Variants in RGL1 observed in about 807,000 individuals in gnomAD.
The protein encoded by RGL1 is ral guanine nucleotide dissociation stimulator-like 1.
Under a neutral mutation model 95.2 loss-of-function variants are expected in RGL1, and 24 were observed. The observed-to-expected ratio is 0.25, with a 90% CI of 0.18 to 0.35. The LOEUF (loss-of-function observed/expected upper bound fraction) is 0.35, where lower values mean the gene tolerates loss of function less well. Among genes scored for constraint, RGL1 ranks in the 10% least tolerant of loss-of-function variants. The pLI is 1.00. For missense variants in RGL1, 715 were observed against 936.3 expected (o/e 0.76, Z 3.08); for synonymous variants, 329 against 344.9 (o/e 0.95, Z 0.51).
At chr1:183,740,818 T>TA (rs1657248786) in intron 1 of RGL1, among the ~76,000 whole-genome samples, 2 of 152,264 alleles carry the variant, frequency 1.3e-5, no homozygotes, top group South Asian at 4.1e-4. Flanking sequence ...CATGATTTAC[T>TA]AAATGATTGA....
chr1:183,708,878 C>T (rs1254349270), intron 1 of RGL1, among the ~76,000 whole-genome samples: 2 of 152,156 alleles, frequency 1.3e-5, no homozygotes, highest in Non-Finnish European at 2.9e-5. Context: ...GGACGCGGAC[C>T]GGGGCCCCTT....
Position 183,916,710 on chromosome 1 carries a change from C to G in RGL1, c.2004+9C>G. 1 of 1,608,160 alleles carries G rather than the reference C, an allele frequency of 6.2e-7. No individual in the cohort carries two copies. Among genetic ancestry groups the G allele is most frequent in the Non-Finnish European group, 8.5e-7 (1 of 1,177,596 alleles). ...TGTACAAGAGCATCATGGTGAGGAGCAAGCCCTGACCCAGGAGCGGGTTTC... is the reference window on the plus strand; with the variant it reads ...TGTACAAGAGCATCATGGTGAGGAGGAAGCCCTGACCCAGGAGCGGGTTTC... On this transcript the variant is annotated intron_variant, in intron 16 of 17. Coordinates refer to ENST00000360851, the MANE Select transcript of RGL1 (RefSeq NM_001297671.3).
intron 1 of RGL1, among the ~76,000 whole-genome samples, chr1:183,712,496 A>AGT (rs754744519): frequency 3.3e-5 from 5 of 151,930 alleles, no homozygotes; most frequent in Non-Finnish European, 5.9e-5. Context: ...AGAGAGAGAG[A>AGT]GTGTGTGTGT....
In RGL1 at chr1:183,636,748, A is replaced by C. The variant is rs577828868; in HGVS notation, c.-33+247A>C. Among the ~76,000 whole-genome samples, 5 of 152,298 alleles carry C rather than the reference A, an allele frequency of 3.3e-5. No homozygotes were observed. In the East Asian group the frequency reaches 7.7e-4, roughly 24 times the overall value. On this transcript the variant is annotated intron_variant, in intron 1 of 18. Coordinates refer to the RGL1 transcript ENST00000304685. ...ATTTATATTATGATTTGAGATTTAT[A>C]TGATTCCATCTAGGCCAGATTTAAA...
At chr1:183,766,256 C>T (rs770384588) in intron 2 of RGL1, among the ~76,000 whole-genome samples, 15 of 152,062 alleles carry the variant, frequency 9.9e-5, no homozygotes, top group Non-Finnish European at 1.9e-4. Flanking sequence ...CAGTACAACA[C>T]TTGTACATAC....
chr1:183,849,340 G>T (rs1007254054), intron 3 of RGL1, among the ~76,000 whole-genome samples: 3 of 152,050 alleles, frequency 2.0e-5, no homozygotes, highest in African/African-American at 7.2e-5. Context: ...ACAGTGGCTG[G>T]CATATTGAAA....
intron 1 of RGL1, among the ~76,000 whole-genome samples, chr1:183,652,170 C>A (rs971948165): frequency 1.3e-5 from 2 of 152,176 alleles, no homozygotes; most frequent in Non-Finnish European, 2.9e-5. Flanking sequence ...CCCATAATTA[C>A]CCTTTTGGGA....
At chr1:183,716,624 G>A (rs1315130018) in intron 1 of RGL1, among the ~76,000 whole-genome samples, 1 of 152,170 alleles carries the variant, frequency 6.6e-6, no homozygotes, top group African/African-American at 2.4e-5. Flanking sequence ...AACTGTTTGG[G>A]GGCGGCTGAA....
At chr1:183,821,894 A>C (rs1662514416) in intron 2 of RGL1, among the ~76,000 whole-genome samples, 1 of 152,194 alleles carries the variant, frequency 6.6e-6, no homozygotes, top group Non-Finnish European at 1.5e-5. Flanking sequence ...TGAATTGGAC[A>C]GGGTTCCTTG....
intron 2 of RGL1, among the ~76,000 whole-genome samples, chr1:183,776,141 A>ATTT (rs66738956): frequency 8.6e-4 from 76 of 88,816 alleles, no homozygotes; most frequent in Non-Finnish European, 8.7e-4. Context: ...GGGAATACAG[A>ATTT]TTTTTTTTTT....
chr1:183,725,774 T>C (rs1656278396), intron 1 of RGL1, among the ~76,000 whole-genome samples: 1 of 152,166 alleles, frequency 6.6e-6, no homozygotes, highest in Admixed American at 6.5e-5. Flanking sequence ...AGTCAACAAA[T>C]AGAAATATGG....
intron 1 of RGL1, among the ~76,000 whole-genome samples, chr1:183,642,467 T>C (rs1404481451): frequency 6.6e-6 from 1 of 152,246 alleles, no homozygotes; most frequent in East Asian, 1.9e-4. Context: ...ACTTTCGGTA[T>C]CTTTTTCATT....
At chr1:183,904,811 G>GT in intron 12 of RGL1, 39 bp from the exon 13 acceptor site, 1 of 1,569,756 alleles carries the variant, frequency 6.4e-7, no homozygotes, top group Non-Finnish European at 8.6e-7. Flanking sequence ...TTATTATTCA[G>GT]TCTTTTTTTT....
intron 4 of RGL1, among the ~76,000 whole-genome samples, chr1:183,866,483 C>T (rs1004062353): frequency 1.3e-5 from 2 of 152,062 alleles, no homozygotes; most frequent in Non-Finnish European, 2.9e-5. Context: ...CATTGGAGCA[C>T]GCCGAAATGA....
At chr1:183,921,387 G>C (rs1451997755) in intron 16 of RGL1, among the ~76,000 whole-genome samples, 1 of 152,140 alleles carries the variant, frequency 6.6e-6, no homozygotes, top group Non-Finnish European at 1.5e-5. Context: ...GATTCCCTGT[G>C]CCCTTTCCAA....
At chr1:183,733,500 G>C (rs544977865) in intron 1 of RGL1, among the ~76,000 whole-genome samples, 2 of 152,096 alleles carry the variant, frequency 1.3e-5, no homozygotes, top group African/African-American at 4.8e-5. Flanking sequence ...CATGGGAAAG[G>C]TTTGCCATGT....
intron 1 of RGL1, among the ~76,000 whole-genome samples, chr1:183,643,441 G>A (rs911571889): frequency 2.0e-5 from 3 of 151,880 alleles, no homozygotes; most frequent in African/African-American, 4.8e-5. Context: ...ACAGGTGCAT[G>A]CCACCATGCC....
At chr1:183,692,315 G>A (rs1436608553) in intron 1 of RGL1, among the ~76,000 whole-genome samples, 1 of 152,208 alleles carries the variant, frequency 6.6e-6, no homozygotes, top group Non-Finnish European at 1.5e-5. Context: ...AAATTACTTG[G>A]AGGATCCAGA....
intron 1 of RGL1, among the ~76,000 whole-genome samples, chr1:183,650,868 T>C (rs891120684): frequency 6.6e-6 from 1 of 152,164 alleles, no homozygotes; most frequent in African/African-American, 2.4e-5. Context: ...GTTGCTATAA[T>C]GTGTGCCTTT....
Sources: gnomAD v4.1 joint callset for allele counts (sites outside exome capture counted in the v4.1 genomes callset) on GRCh38, gnomAD v4.1.1 for gene constraint, MANE v1.5 for transcripts, NCBI Gene and HGNC (gene_info 2026-07-23, HGNC 2026-07-21) for gene names.